Variants in NAALADL2 observed in about 807,000 individuals in gnomAD.
NAALADL2 encodes the protein inactive N-acetylated-alpha-linked acidic dipeptidase-like protein 2.
NAALADL2 carries 76 observed loss-of-function variants against 87.2 expected under a neutral mutation model. The ratio of observed to expected loss-of-function variants is 0.87; its 90% confidence interval spans 0.72 to 1.05. NAALADL2 has a LOEUF of 1.05. Ranked by LOEUF, NAALADL2 falls within the 50% of genes least tolerant of loss-of-function variation. NAALADL2 has a pLI of 0.00. For missense variants in NAALADL2, 1,089 were observed against 945.8 expected, an observed-to-expected ratio of 1.15 and a Z score of -1.99; for synonymous variants, 354 against 331.0, an observed-to-expected ratio of 1.07 and a Z score of -0.75.
chr3:175,422,517 G>A (rs1195034333), intron 5 of NAALADL2, among the ~76,000 whole-genome samples: 2 of 151,788 alleles, frequency 1.3e-5, no homozygotes, highest in African/African-American at 4.8e-5. Flanking sequence ...TCTCTTGTTG[G>A]AGAAATATAA....
intron 2 of NAALADL2, among the ~76,000 whole-genome samples, chr3:175,131,471 A>G (rs1290946889): frequency 2.0e-5 from 3 of 152,168 alleles, no homozygotes; most frequent in Non-Finnish European, 2.9e-5. Context: ...GGTTGGGGGT[A>G]AGGTCACAGA....
intron 1 of NAALADL2, among the ~76,000 whole-genome samples, chr3:175,026,838 G>T (rs1580093829): frequency 6.6e-6 from 1 of 152,058 alleles, no homozygotes; most frequent in Non-Finnish European, 1.5e-5. Flanking sequence ...GGCAACTGTG[G>T]TGTACTGGGG....
At chr3:174,777,348 A>G (rs908239142) in intron 3 of NAALADL2, among the ~76,000 whole-genome samples, 2 of 152,176 alleles carry the variant, frequency 1.3e-5, no homozygotes, top group Non-Finnish European at 2.9e-5. Flanking sequence ...CATGAAAATT[A>G]TAAGTAAAAC....
At chr3:174,757,811 A>G (rs1712332889) in intron 3 of NAALADL2, among the ~76,000 whole-genome samples, 1 of 152,144 alleles carries the variant, frequency 6.6e-6, no homozygotes, top group African/African-American at 2.4e-5. Flanking sequence ...CCTAGAGATA[A>G]CATTTCTAGT....
At chr3:175,378,859 T>G (rs941098888) in intron 5 of NAALADL2, among the ~76,000 whole-genome samples, 1 of 152,152 alleles carries the variant, frequency 6.6e-6, no homozygotes, top group African/African-American at 2.4e-5. Context: ...TGGCTAAGAG[T>G]AGATAAACTT....
intron 2 of NAALADL2, among the ~76,000 whole-genome samples, chr3:175,115,757 G>C (rs1478593006): frequency 2.0e-5 from 3 of 151,504 alleles, no homozygotes; most frequent in African/African-American, 7.3e-5. Context: ...AATTTCATCA[G>C]ATGAGATCGA....
intron 1 of NAALADL2, among the ~76,000 whole-genome samples, chr3:174,444,825 T>G (rs1714922350): frequency 6.6e-6 from 1 of 152,142 alleles, no homozygotes; most frequent in East Asian, 1.9e-4. Flanking sequence ...GATTTCAGAT[T>G]GGATTTTGAA....
intron 2 of NAALADL2, among the ~76,000 whole-genome samples, chr3:174,580,693 C>T (rs1716073516): frequency 6.6e-6 from 1 of 151,968 alleles, no homozygotes; most frequent in Admixed American, 6.6e-5. Flanking sequence ...TTCATTCCTT[C>T]TTATTTATAA....
At chr3:175,471,546 T>G (rs902349635) in intron 8 of NAALADL2, 93 bp from the exon 9 acceptor site, 8 of 720,438 alleles carry the variant, frequency 1.1e-5, no homozygotes, top group Admixed American at 3.1e-5. Context: ...ATTTTAAGTA[T>G]GAAATGAAAT....
intron 1 of NAALADL2, among the ~76,000 whole-genome samples, chr3:174,474,090 G>T (rs970966180): frequency 6.6e-6 from 1 of 152,098 alleles, no homozygotes; most frequent in Non-Finnish European, 1.5e-5. Flanking sequence ...GGGGATTATG[G>T]TATTACAATT....
chr3:175,447,220 T>A lies in NAALADL2; in HGVS notation c.1091-9T>A. 1 of 1,562,940 alleles carries A rather than the reference T, an allele frequency of 6.4e-7. No individual in the cohort carries two copies. The highest frequency in any genetic ancestry group is 8.6e-7 in the Non-Finnish European group (1 of 1,157,874). ...CTAAGGATTATCTTCCTTTGTCTTT[T>A]GAATACAGATGAAAGTTTTAGACAA... On this transcript the variant is annotated splice_polypyrimidine_tract_variant and intron_variant, in intron 5 of 13. Transcript: ENST00000454872.
At chr3:175,441,903 T>C (rs1485283733) in intron 5 of NAALADL2, among the ~76,000 whole-genome samples, 3 of 152,114 alleles carry the variant, frequency 2.0e-5, no homozygotes, top group African/African-American at 7.2e-5. Context: ...CTGATGCTGT[T>C]TGGCTAATTG....
intron 5 of NAALADL2, among the ~76,000 whole-genome samples, chr3:175,353,884 A>G (rs2148885113): frequency 6.6e-6 from 1 of 152,342 alleles, no homozygotes; most frequent in Admixed American, 6.5e-5. Context: ...CTTCATGATA[A>G]CCAAGAATTT....
intron 10 of NAALADL2, among the ~76,000 whole-genome samples, chr3:175,578,138 A>G (rs778364059): frequency 6.6e-6 from 1 of 152,226 alleles, no homozygotes; most frequent in East Asian, 1.9e-4. Context: ...ATTAAAAACA[A>G]AATAAGAATA....
chr3:175,233,452 T>C (rs1745306061), intron 2 of NAALADL2, among the ~76,000 whole-genome samples: 1 of 152,128 alleles, frequency 6.6e-6, no homozygotes, highest in African/African-American at 2.4e-5. Context: ...TATTTGTTTG[T>C]TTTTCTTTGG....
intron 2 of NAALADL2, among the ~76,000 whole-genome samples, chr3:174,699,680 G>A (rs1033407681): frequency 6.6e-6 from 1 of 151,858 alleles, no homozygotes; most frequent in African/African-American, 2.4e-5. Context: ...GTATCTACCA[G>A]TAATTCTGTG....
At chr3:175,424,709 A>T (rs898296404) in intron 5 of NAALADL2, among the ~76,000 whole-genome samples, 2 of 152,156 alleles carry the variant, frequency 1.3e-5, no homozygotes, top group African/African-American at 2.4e-5. Context: ...GTTTGAAGTC[A>T]GGTAGCGTGA....
intron 9 of NAALADL2, among the ~76,000 whole-genome samples, chr3:175,551,788 C>T (rs769646736): frequency 1.3e-4 from 20 of 152,134 alleles, no homozygotes; most frequent in Non-Finnish European, 2.2e-4. Flanking sequence ...GTCCCAGCTA[C>T]TCAGGAGGCT....
At chr3:175,624,712 G>A (rs1726738179) in intron 10 of NAALADL2, among the ~76,000 whole-genome samples, 1 of 151,978 alleles carries the variant, frequency 6.6e-6, no homozygotes, top group South Asian at 2.1e-4. Flanking sequence ...TCAGAGATTA[G>A]CTTGAAGAAA....
Sources: gnomAD v4.1 joint callset for allele counts (sites outside exome capture counted in the v4.1 genomes callset) on GRCh38, gnomAD v4.1.1 for gene constraint, MANE v1.5 for transcripts, NCBI Gene and HGNC (gene_info 2026-07-23, HGNC 2026-07-21) for gene names.